The following FDFT1 variants were observed in gnomAD, a reference collection of about 807,000 sequenced individuals.
The protein encoded by FDFT1 is farnesyl-diphosphate farnesyltransferase 1.
FDFT1 carries 68 observed loss-of-function variants against 46.8 expected under a neutral mutation model. That is an observed-to-expected ratio of 1.45 (90% CI 1.19 to 1.78). The LOEUF is 1.78. Ranked by LOEUF, FDFT1 falls within the 40% of genes most tolerant of loss-of-function variation. The pLI, the probability that FDFT1 is intolerant of heterozygous loss-of-function variation, is 0.00. For missense variants in FDFT1, 928 were observed against 524.4 expected, an observed-to-expected ratio of 1.77 and a Z score of -7.52; for synonymous variants, 351 against 185.1, an observed-to-expected ratio of 1.90 and a Z score of -7.28.
intron 3 of FDFT1, among the ~76,000 whole-genome samples, chr8:11,816,072 A>C (rs1284953229): frequency 1.3e-5 from 2 of 152,210 alleles, no homozygotes; most frequent in Non-Finnish European, 2.9e-5. Flanking sequence ...ATCCAGTTTC[A>C]GCTTTCTACA....
upstream of FDFT1, chr8:11,802,562 C>A (rs1380235556): frequency 5.0e-6 from 3 of 604,546 alleles, no homozygotes; most frequent in Non-Finnish European, 9.3e-6. Context: ...CGCCAGTCTC[C>A]TTCCGCGACT....
chr8:11,831,229 T>C (rs1423253440), intron 6 of FDFT1, among the ~76,000 whole-genome samples: 2 of 152,232 alleles, frequency 1.3e-5, no homozygotes, highest in East Asian at 3.8e-4. Context: ...GCATGGAAAA[T>C]GTTGGATTTA....
intron 5 of FDFT1, among the ~76,000 whole-genome samples, chr8:11,829,370 C>G (rs1184366851): frequency 1.3e-5 from 2 of 152,118 alleles, no homozygotes. Flanking sequence ...AAGCCGAATC[C>G]CACTGTTAGA....
chr8:11,833,063 A>C (rs1316820813), intron 7 of FDFT1, among the ~76,000 whole-genome samples: 1 of 152,208 alleles, frequency 6.6e-6, no homozygotes, highest in Non-Finnish European at 1.5e-5. Flanking sequence ...GTATGTCCAG[A>C]ACTTCTATCA....
rs755134615 is a variant in FDFT1, at chr8:11,826,103, T to G, written c.590T>G (p.Val197Gly). The G allele has an allele frequency of 3.1e-6, 5 of 1,611,010 alleles. No individual in the cohort carries two copies. The highest frequency in any genetic ancestry group is 4.2e-6 in the Non-Finnish European group (5 of 1,177,610). ...GCCTCAGAGTTTGAAGACCCCTTAG[T>G]TGGTGAAGATACAGAACGTGCCAAC... is the stretch of plus-strand genomic sequence containing the variant. ...FSASEFEDPL[V>G]GEDTERANSM... The change falls in exon 5 of 8, where the codon GTT becomes GGT. Residue 197 changes from valine (V) to glycine (G), a missense_variant. Physicochemically the swap from Val to Gly is moderately radical, Grantham distance 109. Coordinates refer to ENST00000220584, the MANE Select transcript of FDFT1 (RefSeq NM_004462.5).
At chr8:11,803,439 G>A (rs895145837) in intron 1 of FDFT1, 8 of 1,285,310 alleles carry the variant, frequency 6.2e-6, no homozygotes, top group Admixed American at 4.7e-5. Flanking sequence ...TGCTTCCTGA[G>A]TTTTAAAATC....
intron 1 of FDFT1, chr8:11,803,258 A>G (rs1323748527): frequency 1.5e-6 from 2 of 1,351,724 alleles, no homozygotes; most frequent in South Asian, 1.2e-5. Context: ...CATCTGAGGC[A>G]ATGTGGGTGG....
At chr8:11,804,908 CT>C (rs34874686) in intron 1 of FDFT1, among the ~76,000 whole-genome samples, 8,149 of 111,328 alleles carry the variant, frequency 0.073, 246 homozygotes, top group Admixed American at 0.12. Context: ...TGCACCCGGC[CT>C]TTTTTTTTTT....
intron 3 of FDFT1, among the ~76,000 whole-genome samples, chr8:11,817,380 T>C (rs1808606105): frequency 6.6e-6 from 1 of 151,324 alleles, no homozygotes; most frequent in African/African-American, 2.4e-5. Flanking sequence ...GATGCTGGCC[T>C]CATAAAATGA....
intron 3 of FDFT1, among the ~76,000 whole-genome samples, chr8:11,812,931 C>A (rs7821409): frequency 6.6e-6 from 1 of 152,148 alleles, no homozygotes. Context: ...TTCTGAGAAA[C>A]GCATTGATAG....
In FDFT1 at chr8:11,803,218, G is replaced by T. The variant is rs994587378; in HGVS notation, c.99+287G>T. ...TTTCGTCCCCTCCGTGAGCATCGGC[G>T]CTTACCGGTATTTTAACCCGAGGGT... is the stretch of plus-strand genomic sequence containing the variant. On this transcript the variant is annotated intron_variant, in intron 1 of 7. Coordinates refer to ENST00000220584, the MANE Select transcript of FDFT1 (RefSeq NM_004462.5). The T allele has an allele frequency of 3.6e-6, 5 of 1,407,338 alleles. No homozygotes were observed. In the African/African-American group the frequency reaches 5.7e-5, roughly 16 times the overall value. The allele number at this position is 1,407,338 out of a possible 1,614,324, so 87.2% of individuals were successfully genotyped here.
At chr8:11,813,727 T>C (rs1404232187) in intron 3 of FDFT1, among the ~76,000 whole-genome samples, 1 of 152,232 alleles carries the variant, frequency 6.6e-6, no homozygotes, top group Non-Finnish European at 1.5e-5. Context: ...GGACCTTCCT[T>C]CTTGTACTTG....
intron 5 of FDFT1, among the ~76,000 whole-genome samples, chr8:11,828,625 C>G (rs1810342506): frequency 6.6e-6 from 1 of 152,286 alleles, no homozygotes; most frequent in Non-Finnish European, 1.5e-5. Flanking sequence ...CAGAGCCCTG[C>G]TCTTCTCATT....
At position 11,802,889 on chromosome 8, in the gene FDFT1, C is replaced by A; in HGVS notation, c.57C>A (p.Phe19Leu). The A allele has an allele frequency of 6.2e-7, 1 of 1,612,144 alleles. No homozygotes were observed. Among genetic ancestry groups the A allele is most frequent in the Non-Finnish European group, 8.5e-7 (1 of 1,179,086 alleles). ...HPEEFYNLVR[F>L]RIGGKRKVMP... ...AAGAGTTCTACAACCTGGTGCGCTT[C>A]CGGATCGGGGGCAAGCGGAAGGTGA... Residue 19 changes from phenylalanine to leucine, a missense_variant, in exon 1 of 8, where the codon TTC becomes TTA. Transcript: ENST00000220584.
rs1267813562 is a variant in FDFT1 at position 11,819,417 on chromosome 8, C to G, written c.382-2333C>G. On this transcript the variant is annotated intron_variant, in intron 3 of 7. Transcript: ENST00000220584. ...CCTGCCTTGCTAGGTTGGGGAAGTT[C>G]TCCTGGATAATATACTGAAGAGTGT... Among the ~76,000 whole-genome samples, 3 of 152,132 alleles carry G rather than the reference C, an allele frequency of 2.0e-5. No homozygotes were observed. In the East Asian group the frequency reaches 5.8e-4, roughly 29 times the overall value.
At chr8:11,798,216 C>T (rs953275880), upstream of FDFT1, 2 of 152,200 alleles carry the variant, frequency 1.3e-5, no homozygotes, top group East Asian at 1.9e-4. Context: ...CCCACAACCA[C>T]GCTCAGCTAA....
At chr8:11,816,720 G>C (rs540043401) in intron 3 of FDFT1, among the ~76,000 whole-genome samples, 1 of 152,316 alleles carries the variant, frequency 6.6e-6, no homozygotes, top group South Asian at 2.1e-4. Context: ...CATTGATTTT[G>C]TATCCTGAGA....
chr8:11,809,963 G>A, intron 3 of FDFT1, 113 bp downstream of exon 3: 1 of 802,870 alleles, frequency 1.2e-6, no homozygotes, highest in Middle Eastern at 3.9e-4. Context: ...TCTGAGGGCA[G>A]CATAATGTGA....
At position 11,838,675 on chromosome 8, in the gene FDFT1, T is replaced by C; in HGVS notation, c.*66T>C. The C allele has an allele frequency of 8.2e-7, 1 of 1,217,514 alleles. No homozygotes were observed. Among genetic ancestry groups the C allele is most frequent in the Non-Finnish European group, 1.2e-6 (1 of 822,552 alleles). 75.4% of individuals were successfully genotyped at this position (1,217,514 alleles called of 1,614,324 possible). On this transcript the variant is annotated 3_prime_UTR_variant, in exon 8 of 8. Coordinates refer to ENST00000220584, the MANE Select transcript of FDFT1 (RefSeq NM_004462.5). ...TTTACTTTTTTTCTTTAAGGATGGA[T>C]GTTGTGTTCTCTTTATTTTTTTCCT...
Sources: allele counts gnomAD v4.1 joint callset (sites outside exome capture counted in the v4.1 genomes callset), GRCh38; gene constraint gnomAD v4.1.1; transcripts MANE v1.5; gene names NCBI Gene and HGNC (gene_info 2026-07-23, HGNC 2026-07-21).